Variants in SLC12A7 observed in about 807,000 individuals in gnomAD.
SLC12A7 encodes the protein solute carrier family 12 member 7, also known as K-Cl cotransporter 4.
In SLC12A7, 100 loss-of-function variants were observed where a neutral mutation model predicts 120.6. The ratio of observed to expected loss-of-function variants is 0.83; its 90% confidence interval spans 0.71 to 0.98. SLC12A7 has a LOEUF of 0.98. Among genes scored for constraint, SLC12A7 ranks in the 50% least tolerant of loss-of-function variants. SLC12A7 has a pLI of 0.00. For synonymous variants in SLC12A7, 760 were observed against 678.0 expected (o/e 1.12, Z -1.88); for missense variants, 1,373 against 1,548.1 (o/e 0.89, Z 1.90).
chr5:1,085,529 G>C, intron 6 of SLC12A7, 56 bp from the exon 7 acceptor site: 1 of 1,512,226 alleles, frequency 6.6e-7, no homozygotes, highest in South Asian at 1.3e-5. Flanking sequence ...CCCAGTGCCC[G>C]TCCCTCCCGC....
At chr5:1,123,621 G>T in the SLC12A7 span, among the ~76,000 whole-genome samples, 1 of 152,244 alleles carries the variant, frequency 6.6e-6, no homozygotes, top group Non-Finnish European at 1.5e-5. Context: ...CACAGAAGTG[G>T]GCGTTCCCCG....
chr5:1,130,596 G>T, the SLC12A7 span, among the ~76,000 whole-genome samples: 14 of 150,916 alleles, frequency 9.3e-5, no homozygotes, highest in South Asian at 2.5e-3. Context: ...GCCCGCGCAG[G>T]TCCCCTCACC....
chr5:1,124,283 G>A, the SLC12A7 span, among the ~76,000 whole-genome samples: 1 of 152,168 alleles, frequency 6.6e-6, no homozygotes, highest in Admixed American at 6.5e-5. Flanking sequence ...CACTGTTTTC[G>A]AGGAGAAAAG....
intron 1 of SLC12A7, among the ~76,000 whole-genome samples, chr5:1,108,376 G>C (rs1322945614): frequency 6.6e-6 from 1 of 152,214 alleles, no homozygotes; most frequent in Non-Finnish European, 1.5e-5. Flanking sequence ...AAGGGAACTC[G>C]ATACACAAAA....
intron 1 of SLC12A7, among the ~76,000 whole-genome samples, chr5:1,107,693 G>A (rs534019424): frequency 1.4e-4 from 21 of 152,308 alleles, no homozygotes; most frequent in Middle Eastern, 6.8e-3. Flanking sequence ...AGAAAGCCAC[G>A]CACTCTAAGA....
At chr5:1,060,606 G>A (rs1037272950) in intron 20 of SLC12A7, among the ~76,000 whole-genome samples, 155 bp from the exon 21 acceptor site, 2 of 152,166 alleles carry the variant, frequency 1.3e-5, no homozygotes, top group African/African-American at 4.8e-5. Context: ...CAGGCCCCCC[G>A]CCCAGTGGCC....
intron 11 of SLC12A7, chr5:1,078,473 C>A: frequency 3.3e-6 from 2 of 602,670 alleles, no homozygotes; most frequent in Non-Finnish European, 6.0e-6. Context: ...CCTGCGCCCC[C>A]AGCCGCATCA....
chr5:1,056,135 A>G (rs1735582822), intron 22 of SLC12A7, among the ~76,000 whole-genome samples: 1 of 152,176 alleles, frequency 6.6e-6, no homozygotes, highest in Non-Finnish European at 1.5e-5. Context: ...CCGACCACAC[A>G]GAGAACTGAT....
intron 1 of SLC12A7, among the ~76,000 whole-genome samples, chr5:1,101,105 G>A (rs1317813527): frequency 6.6e-6 from 1 of 152,182 alleles, no homozygotes; most frequent in Non-Finnish European, 1.5e-5. Context: ...TCGTACCTGG[G>A]AACAGCCTGT....
chr5:1,097,672 G>T (rs551224181), intron 1 of SLC12A7, among the ~76,000 whole-genome samples: 2 of 152,274 alleles, frequency 1.3e-5, no homozygotes, highest in South Asian at 4.2e-4. Context: ...AGTCCAGAAC[G>T]CGAGGACGCA....
At chr5:1,094,878 T>C (rs1415967638) in intron 1 of SLC12A7, among the ~76,000 whole-genome samples, 1 of 152,044 alleles carries the variant, frequency 6.6e-6, no homozygotes, top group East Asian at 1.9e-4. Flanking sequence ...GAGCCCAGGC[T>C]TCGAACCAGG....
chr5:1,132,767 G>C, the SLC12A7 span, among the ~76,000 whole-genome samples: 1 of 152,212 alleles, frequency 6.6e-6, no homozygotes, highest in African/African-American at 2.4e-5. Flanking sequence ...CTTGGGGCCA[G>C]CACCGCCTCC....
At chr5:1,118,655 G>C in the SLC12A7 span, among the ~76,000 whole-genome samples, 1 of 152,242 alleles carries the variant, frequency 6.6e-6, no homozygotes, top group Non-Finnish European at 1.5e-5. Context: ...ATGAGTCCAG[G>C]AGGAAGGAGA....
chr5:1,069,705 C>T (rs1737443079), intron 17 of SLC12A7, among the ~76,000 whole-genome samples: 1 of 152,188 alleles, frequency 6.6e-6, no homozygotes, highest in Non-Finnish European at 1.5e-5. Context: ...GCAAGAAATA[C>T]AGAAGTAACT....
chr5:1,135,439 C>T, the SLC12A7 span, among the ~76,000 whole-genome samples: 2 of 152,160 alleles, frequency 1.3e-5, no homozygotes, highest in African/African-American at 2.4e-5. Context: ...TAGCCATTCT[C>T]GCTCCAGCCC....
At chr5:1,089,823 G>A (rs761012947) in intron 3 of SLC12A7, among the ~76,000 whole-genome samples, 9 of 152,202 alleles carry the variant, frequency 5.9e-5, no homozygotes, top group African/African-American at 1.7e-4. Flanking sequence ...GCAGGCCAGC[G>A]CCTGCCAGGC....
intron 3 of SLC12A7, among the ~76,000 whole-genome samples, chr5:1,092,488 TCC>T (rs1332615709): frequency 6.6e-6 from 1 of 152,100 alleles, no homozygotes; most frequent in African/African-American, 2.4e-5. Context: ...TACAAAACCC[TCC>T]CTTCTGAGAA....
chr5:1,148,260 G>A, the SLC12A7 span, among the ~76,000 whole-genome samples: 1 of 131,114 alleles, frequency 7.6e-6, no homozygotes, highest in African/African-American at 3.0e-5. Context: ...AGGCTGGAGT[G>A]CAGTGGTGCG....
Position 1,063,292 on chromosome 5 carries a change from G to C in SLC12A7, c.2739+552C>G, listed in dbSNP as rs974882963. On this transcript the variant is annotated intron_variant, in intron 20 of 23. Transcript: ENST00000264930. ...CCCGGGTCCCGACTGCTGATGTGTGGTTTCCAGCCGTGGGAAGGTGAGCCC... is the reference window on the plus strand; with the variant it reads ...CCCGGGTCCCGACTGCTGATGTGTGCTTTCCAGCCGTGGGAAGGTGAGCCC... Among the ~76,000 whole-genome samples, 6 of 152,362 alleles carry C rather than the reference G, an allele frequency of 3.9e-5. No individual in the cohort carries two copies. The Middle Eastern group carries it at 0.01, about 259-fold the overall frequency.
Sources: allele counts gnomAD v4.1 joint callset (sites outside exome capture counted in the v4.1 genomes callset), GRCh38; gene constraint gnomAD v4.1.1; transcripts MANE v1.5; gene names NCBI Gene and HGNC (gene_info 2026-07-23, HGNC 2026-07-21).